The following MYEF2 variants were observed in gnomAD, a reference collection of about 807,000 sequenced individuals.
The protein encoded by MYEF2 is myelin gene expression factor 2.
In MYEF2, 37 loss-of-function variants were observed where a neutral mutation model predicts 75.2. The ratio of observed to expected loss-of-function variants is 0.49; its 90% CI spans 0.38 to 0.65. MYEF2 has a LOEUF of 0.65. MYEF2 is among the 30% of genes least tolerant of loss of function. The pLI, the probability that MYEF2 is intolerant of heterozygous loss-of-function variation, is 0.00. For missense variants in MYEF2, 634 were observed against 771.4 expected, an observed-to-expected ratio of 0.82 and a Z score of 2.11; for synonymous variants, 195 against 241.6, an observed-to-expected ratio of 0.81 and a Z score of 1.79.
At position 48,178,144 on chromosome 15, in the gene MYEF2, C is replaced by G. The variant is rs2040627684; in HGVS notation, c.94G>C (p.Glu32Gln). The change falls in exon 1 of 17, where the codon GAG (glutamate) becomes CAG (glutamine). Residue 32 changes from glutamate to glutamine, a missense_variant. Glu to Gln is a conservative substitution (Grantham distance 29). Transcript: ENST00000324324. Reference sequence around the variant, plus strand: ...TTCTCCGCCTCCGCGGGGTGCGGCTCTCGCCGCGGCTCGCCCGGCGGCTCT... The same window carrying G: ...TTCTCCGCCTCCGCGGGGTGCGGCTGTCGCCGCGGCTCGCCCGGCGGCTCT... The part of the protein sequence containing the change: ...PAEPPGEPRR[E>Q]PHPAEAEKQQ... 6.4e-7 allele frequency: 1 copy of G among 1,569,916 alleles called. No homozygotes were observed. The highest frequency in any genetic ancestry group is 1.4e-5 in the African/African-American group (1 of 72,336).
intron 1 of MYEF2, among the ~76,000 whole-genome samples, chr15:48,172,034 C>T (rs953700899): frequency 3.9e-5 from 6 of 152,044 alleles, no homozygotes; most frequent in African/African-American, 1.5e-4. Flanking sequence ...AGTATGAGAT[C>T]CAATATTAAT....
chr15:48,176,652 G>T (rs2040533453), intron 1 of MYEF2, among the ~76,000 whole-genome samples: 1 of 152,146 alleles, frequency 6.6e-6, no homozygotes, highest in South Asian at 2.1e-4. Flanking sequence ...TTTTTGTTCA[G>T]GAGAAAAGGT....
At chr15:48,163,063 G>A (rs897598267) in intron 5 of MYEF2, among the ~76,000 whole-genome samples, 4 of 152,098 alleles carry the variant, frequency 2.6e-5, no homozygotes, top group East Asian at 3.9e-4. Context: ...GTGAAAAGCC[G>A]GGCCTCTTGC....
intron 9 of MYEF2, among the ~76,000 whole-genome samples, chr15:48,155,212 GA>G (rs1567252363): frequency 6.6e-6 from 1 of 151,750 alleles, no homozygotes; most frequent in Non-Finnish European, 1.5e-5. Context: ...AAAAAAATAG[GA>G]AAAATGTACC....
Position 48,134,713 on chromosome 15 carries a change from A to T in MYEF2, c.*8195T>A. 1 of 729,658 alleles carries T rather than the reference A, an allele frequency of 1.4e-6. No individual in the cohort carries two copies. The highest frequency in any genetic ancestry group is 2.2e-6 in the Non-Finnish European group (1 of 450,656). The allele number at this position is 729,658 out of a possible 1,614,324, so 45.2% of individuals were successfully genotyped here. Reference sequence around the variant, plus strand: ...TAATCCACAAATAGCTCTTGGTCAGATTTATGAAAGTCTGTGTAAGTTAGA... The same window carrying T: ...TAATCCACAAATAGCTCTTGGTCAGTTTTATGAAAGTCTGTGTAAGTTAGA... On this transcript the variant is annotated 3_prime_UTR_variant, in exon 17 of 17. Transcript: ENST00000324324.
At chr15:48,151,026 C>G in intron 14 of MYEF2, 74 bp downstream of exon 14, 1 of 1,003,840 alleles carries the variant, frequency 1.0e-6, no homozygotes, top group South Asian at 1.6e-5. Flanking sequence ...TACTATACTA[C>G]GATAACTACT....
chr15:48,175,532 T>C (rs116767462), intron 1 of MYEF2, among the ~76,000 whole-genome samples: 222 of 152,242 alleles, frequency 1.5e-3, no homozygotes, highest in African/African-American at 5.2e-3. Flanking sequence ...TGGTAATCAT[T>C]TCACAATTTA....
chr15:48,166,318 T>A (rs1188062124), intron 3 of MYEF2, among the ~76,000 whole-genome samples, 190 bp from the exon 4 acceptor site: 1 of 151,872 alleles, frequency 6.6e-6, no homozygotes, highest in Admixed American at 6.6e-5. Flanking sequence ...TTTAAATATA[T>A]CTATTAAAGA....
chr15:48,144,296 G>C (rs16960627), intron 16 of MYEF2, among the ~76,000 whole-genome samples: 6,683 of 152,010 alleles, frequency 0.044, 491 homozygotes, highest in African/African-American at 0.15. Flanking sequence ...TTGAAATCTT[G>C]ATCTGAATAA....
chr15:48,165,914 T>C lies in MYEF2; in HGVS notation c.525+19A>G, dbSNP rs2040116000. ...TCTTTATAGTCAAATGTTTAAATTC[T>C]AAATATGAGAAATCTTACCTCTTTA... On this transcript the variant is annotated intron_variant, in intron 5 of 16. Coordinates refer to ENST00000324324, the MANE Select transcript of MYEF2 (RefSeq NM_016132.5). 1 of 1,458,484 alleles carries C rather than the reference T, an allele frequency of 6.9e-7. No individual in the cohort carries two copies. Among genetic ancestry groups the C allele is most frequent in the Non-Finnish European group, 9.4e-7 (1 of 1,068,892 alleles). 90.3% of individuals were successfully genotyped at this position (1,458,484 alleles called of 1,614,324 possible).
rs1459978413 is a variant in MYEF2, at chr15:48,136,915, T to C, written c.*5993A>G. 1.2e-6 allele frequency: 2 copies of C among 1,613,850 alleles called. No homozygotes were observed. The highest frequency in any genetic ancestry group is 2.2e-5 in the South Asian group (2 of 91,062). ...TGGAATATTTTATGAAGATTCTGGC[T>C]ACTCTCAGCTCTCTATAAGTTTACA... On this transcript the variant is annotated 3_prime_UTR_variant, in exon 17 of 17. Coordinates refer to ENST00000324324, the MANE Select transcript of MYEF2 (RefSeq NM_016132.5).
At chr15:48,164,935 T>C (rs1404971152) in intron 5 of MYEF2, among the ~76,000 whole-genome samples, 1 of 152,164 alleles carries the variant, frequency 6.6e-6, no homozygotes, top group Non-Finnish European at 1.5e-5. Context: ...TATGACACAG[T>C]TTATTGTTAT....
chr15:48,164,454 G>A (rs531507891), intron 5 of MYEF2, among the ~76,000 whole-genome samples: 10 of 152,296 alleles, frequency 6.6e-5, no homozygotes, highest in African/African-American at 2.4e-4. Context: ...TACACCTGGT[G>A]AATATGCTAT....
chr15:48,136,569 G>T lies in MYEF2; in HGVS notation c.*6339C>A. The T allele has an allele frequency of 1.0e-6, 1 of 956,162 alleles. No individual in the cohort carries two copies. The highest frequency in any genetic ancestry group is 1.5e-6 in the Non-Finnish European group (1 of 656,492). 59.2% of individuals were successfully genotyped at this position (956,162 alleles called of 1,614,324 possible). A position where few individuals can be genotyped will look rare whatever the true frequency, so the allele number is the denominator to read the frequency against. On this transcript the variant is annotated 3_prime_UTR_variant, in exon 17 of 17. Transcript: ENST00000324324. The stretch of plus-strand genomic sequence containing the variant: ...AAACAAAAAATATCTAGAAATGTTT[G>T]ATTGTTCTATGGCTACTTTTGTTAG...
At position 48,158,339 on chromosome 15, in the gene MYEF2, A is replaced by AAC. The variant is rs2039786761; in HGVS notation, c.872-116_872-115insGT. The AAC allele has an allele frequency of 4.3e-6, 4 of 927,382 alleles. No homozygotes were observed. The Admixed American group carries it at 1.0e-4, about 23-fold the overall frequency. 57.4% of individuals were successfully genotyped at this position (927,382 alleles called of 1,614,324 possible). ...CTCTGATATTTTAATTAACATCTTT[A>AAC]ATACTTATTGATATTAGCCACTTTC... On this transcript the variant is annotated intron_variant, in intron 7 of 16. Coordinates refer to ENST00000324324, the MANE Select transcript of MYEF2 (RefSeq NM_016132.5).
rs749781368 is a variant in MYEF2 at position 48,149,371 on chromosome 15, C to A, written c.1379G>T (p.Ser460Ile). Reference sequence around the variant, plus strand: ...ACTGTTCATGCTACCCATTCCACCACCTGGATTTTCAAGAAAGGACGGGGG... The same window carrying A: ...ACTGTTCATGCTACCCATTCCACCAACTGGATTTTCAAGAAAGGACGGGGG... ...SNMGPVGSGI[S>I]GGMGSMNSVT... Residue 460 changes from serine to isoleucine, a missense_variant and splice_region_variant, in exon 15 of 17, where the codon AGT becomes ATT. Coordinates refer to ENST00000324324, the MANE Select transcript of MYEF2 (RefSeq NM_016132.5). This position sits in a 1 kb window ranked among gnomAD's most constrained non-coding sequence, Gnocchi z 4.0. The A allele has an allele frequency of 6.2e-7, 1 of 1,611,772 alleles. No homozygotes were observed. The highest frequency in any genetic ancestry group is 2.2e-5 in the East Asian group (1 of 44,858).
chr15:48,165,959 T>C lies in MYEF2; in HGVS notation c.499A>G (p.Ser167Gly). Residue 167 changes from serine (S) to glycine (G), a missense_variant, in exon 5 of 17, where the codon AGT (serine) becomes GGT (glycine). By Grantham distance (56) the Ser-to-Gly change is moderately conservative. Coordinates refer to ENST00000324324, the MANE Select transcript of MYEF2 (RefSeq NM_016132.5). ...TCTTTAATATTAAGGGGTCTTCCAC[T>C]AAGATCATATTTGTTCATAGTTTCT... ...ALETMNKYDL[S>G]GRPLNIKEDP... 6.3e-7 allele frequency: 1 copy of C among 1,585,922 alleles called. No individual in the cohort carries two copies.
At chr15:48,152,935 G>C (rs746035273) in intron 10 of MYEF2, 2 of 150,874 alleles carry the variant, frequency 1.3e-5, no homozygotes, top group South Asian at 4.1e-4. Flanking sequence ...ACTCTTGAGG[G>C]TTCAATAGGT....
At chr15:48,159,563 A>C (rs766426851) in intron 6 of MYEF2, 50 bp downstream of exon 6, 1 of 1,497,186 alleles carries the variant, frequency 6.7e-7, no homozygotes, top group Non-Finnish European at 9.2e-7. Context: ...CATTTAATCA[A>C]ATTAGCTATC....
Sources: allele counts gnomAD v4.1 joint callset (sites outside exome capture counted in the v4.1 genomes callset), GRCh38; gene constraint gnomAD v4.1.1; non-coding constraint Gnocchi (gnomAD v3.1); transcripts MANE v1.5; gene names NCBI Gene and HGNC (gene_info 2026-07-23, HGNC 2026-07-21).